The following THSD4 variants were observed in gnomAD, a reference collection of about 807,000 sequenced individuals.
The protein encoded by THSD4 is thrombospondin type 1 domain containing 4.
In THSD4, 69 loss-of-function variants were observed where a neutral mutation model predicts 119.0. The observed-to-expected ratio is 0.58, with a 90% confidence interval of 0.48 to 0.71. THSD4 has a LOEUF of 0.71. Ranked by LOEUF, THSD4 falls within the 30% of genes least tolerant of loss-of-function variation. The pLI, the probability that THSD4 is intolerant of heterozygous loss-of-function variation, is 0.00. For missense variants in THSD4, 1,393 were observed against 1,391.1 expected (o/e 1.00, Z -0.02); for synonymous variants, 524 against 540.4 (o/e 0.97, Z 0.42).
intron 6 of THSD4, among the ~76,000 whole-genome samples, chr15:71,285,024 C>T (rs2044699022): frequency 6.6e-6 from 1 of 152,128 alleles, no homozygotes; most frequent in African/African-American, 2.4e-5. Context: ...GTGTGTTGTT[C>T]TCTACTGAAG....
At chr15:71,289,097 CTG>C (rs2044757782) in intron 6 of THSD4, among the ~76,000 whole-genome samples, 1 of 152,178 alleles carries the variant, frequency 6.6e-6, no homozygotes, top group Non-Finnish European at 1.5e-5. Flanking sequence ...GTCCTCTTGA[CTG>C]TAATCAACTC....
rs73431415 is a variant in THSD4 at position 71,158,033 on chromosome 15, T to C, written c.99+3101T>C. Among the ~76,000 whole-genome samples, 1,199 of 152,202 alleles carry C rather than the reference T, an allele frequency of 7.9e-3. 16 individuals are homozygous for C. Among genetic ancestry groups the C allele is most frequent in the African/African-American group, 0.027 (1,109 of 41,508 alleles). On this transcript the variant is annotated intron_variant, in intron 3 of 17. Transcript: ENST00000261862. ...GGATTGTTGGATCCTATGGTGGTTCTATTTTTAGTTTATTAAGGAGGCTCC... is the reference window on the plus strand; with the variant it reads ...GGATTGTTGGATCCTATGGTGGTTCCATTTTTAGTTTATTAAGGAGGCTCC...
upstream of THSD4, among the ~76,000 whole-genome samples, chr15:71,113,356 T>C (rs2040321605): frequency 6.6e-6 from 1 of 152,216 alleles, no homozygotes; most frequent in Non-Finnish European, 1.5e-5. Flanking sequence ...TGCTCACTAA[T>C]AATCATACTT....
intron 7 of THSD4, among the ~76,000 whole-genome samples, chr15:71,576,967 G>A (rs1051539952): frequency 6.6e-6 from 1 of 151,838 alleles, no homozygotes; most frequent in Non-Finnish European, 1.5e-5. Context: ...CTATATTGGA[G>A]TGATATACAA....
At chr15:71,599,809 A>G (rs2049972609) in intron 7 of THSD4, among the ~76,000 whole-genome samples, 1 of 152,190 alleles carries the variant, frequency 6.6e-6, no homozygotes, top group Non-Finnish European at 1.5e-5. Context: ...TTGTGTGGAG[A>G]GGCCCACTTT....
chr15:71,158,632 T>A (rs2043224188), intron 3 of THSD4, among the ~76,000 whole-genome samples: 1 of 150,988 alleles, frequency 6.6e-6, no homozygotes, highest in Non-Finnish European at 1.5e-5. Flanking sequence ...ATTTGCCTAT[T>A]TAATCAGATT....
chr15:71,372,087 T>C (rs2046059087), intron 6 of THSD4, among the ~76,000 whole-genome samples: 1 of 152,280 alleles, frequency 6.6e-6, no homozygotes, highest in South Asian at 2.1e-4. Flanking sequence ...CTGAAGCTTG[T>C]GCATTCGTCA....
chr15:71,541,240 T>C (rs1476610780), intron 7 of THSD4, among the ~76,000 whole-genome samples: 1 of 152,218 alleles, frequency 6.6e-6, no homozygotes, highest in African/African-American at 2.4e-5. Context: ...CATAAAAATA[T>C]ATGAATGAGA....
chr15:71,220,174 C>T (rs889759438), intron 4 of THSD4, among the ~76,000 whole-genome samples: 2 of 152,130 alleles, frequency 1.3e-5, no homozygotes, highest in African/African-American at 4.8e-5. Context: ...AAAAACACTG[C>T]CCACTCTGGG....
At chr15:71,611,534 C>T (rs1258257319) in intron 7 of THSD4, among the ~76,000 whole-genome samples, 1 of 152,196 alleles carries the variant, frequency 6.6e-6, no homozygotes, top group African/African-American at 2.4e-5. Context: ...CTATGAACAC[C>T]TGCTTTGTGC....
intron 4 of THSD4, among the ~76,000 whole-genome samples, chr15:71,216,148 G>T (rs1329865125): frequency 6.6e-6 from 1 of 152,244 alleles, no homozygotes; most frequent in Non-Finnish European, 1.5e-5. Flanking sequence ...GTGTCTTAGT[G>T]CCTAGGTTCC....
intron 7 of THSD4, among the ~76,000 whole-genome samples, chr15:71,594,160 C>T (rs562234982): frequency 2.6e-5 from 4 of 151,958 alleles, no homozygotes; most frequent in Middle Eastern, 3.4e-3. Context: ...TAGGGATCCA[C>T]TGGACTCTTA....
chr15:71,385,839 C>T (rs1441355), intron 6 of THSD4, among the ~76,000 whole-genome samples: 34,111 of 152,178 alleles, frequency 0.22, 4,793 homozygotes, highest in Middle Eastern at 0.39. Flanking sequence ...ATCCCAACCT[C>T]CTTACTGTAC....
intron 6 of THSD4, among the ~76,000 whole-genome samples, chr15:71,316,099 G>A (rs145757523): frequency 6.6e-6 from 1 of 152,270 alleles, no homozygotes; most frequent in African/African-American, 2.4e-5. Context: ...ATCCCTGTTA[G>A]CCTGTATGGA....
chr15:71,741,379 G>A (rs1047292079), intron 11 of THSD4, among the ~76,000 whole-genome samples: 1 of 152,088 alleles, frequency 6.6e-6, no homozygotes, highest in Non-Finnish European at 1.5e-5. Context: ...TGTAATCCCA[G>A]CTACTCGGGA....
At chr15:71,250,865 T>A (rs17723493) in intron 5 of THSD4, among the ~76,000 whole-genome samples, 48,879 of 151,786 alleles carry the variant, frequency 0.32, 8,895 homozygotes, top group Middle Eastern at 0.44. Flanking sequence ...GATGTAGGTA[T>A]TGAATGAGAG....
chr15:71,672,679 T>G (rs1319686362), intron 8 of THSD4, among the ~76,000 whole-genome samples: 1 of 152,222 alleles, frequency 6.6e-6, no homozygotes, highest in Non-Finnish European at 1.5e-5. Context: ...CCTAGTTTAT[T>G]GAGAGTTTTT....
intron 1 of THSD4, among the ~76,000 whole-genome samples, chr15:71,118,753 T>C (rs1482209867): frequency 6.6e-6 from 1 of 152,252 alleles, no homozygotes; most frequent in Non-Finnish European, 1.5e-5. Flanking sequence ...ATATCCTCGC[T>C]GTGAAAATGG....
chr15:71,300,560 A>C (rs1007996584), intron 6 of THSD4, among the ~76,000 whole-genome samples: 2 of 152,172 alleles, frequency 1.3e-5, no homozygotes, highest in Non-Finnish European at 2.9e-5. Context: ...TTTCTCACTA[A>C]ATTCCTCAGC....
Sources: gnomAD v4.1 joint callset for allele counts (sites outside exome capture counted in the v4.1 genomes callset) on GRCh38, gnomAD v4.1.1 for gene constraint, MANE v1.5 for transcripts, NCBI Gene and HGNC (gene_info 2026-07-23, HGNC 2026-07-21) for gene names.